Variants in CCDC12 observed in about 807,000 individuals in gnomAD.
CCDC12 encodes coiled-coil domain-containing protein 12.
CCDC12 carries 28 observed loss-of-function variants against 25.7 expected under a neutral mutation model. The observed-to-expected ratio is 1.09, with a 90% confidence interval of 0.81 to 1.50. CCDC12 has a LOEUF of 1.50. Among genes scored for constraint, CCDC12 ranks in the 40% most tolerant of loss-of-function variants. The probability of loss-of-function intolerance (pLI) is 0.00; values close to 1 mark genes in which losing one functional copy is unlikely to be tolerated. For synonymous variants in CCDC12, 75 were observed against 87.7 expected (o/e 0.86, Z 0.81); for missense variants, 198 against 210.0 (o/e 0.94, Z 0.35).
upstream of CCDC12, among the ~76,000 whole-genome samples, chr3:46,978,846 G>A (rs1474729902): frequency 6.6e-6 from 1 of 152,110 alleles, no homozygotes; most frequent in African/African-American, 2.4e-5. Flanking sequence ...AGCTGGGCCT[G>A]GTGACACGCG....
chr3:46,944,501 A>G (rs2033830475), intron 1 of CCDC12, among the ~76,000 whole-genome samples: 1 of 151,924 alleles, frequency 6.6e-6, no homozygotes, highest in African/African-American at 2.4e-5. Context: ...GAATTTAGAG[A>G]CACTTCGCTC....
At chr3:46,946,652 G>A (rs2033918416) in intron 1 of CCDC12, among the ~76,000 whole-genome samples, 2 of 152,236 alleles carry the variant, frequency 1.3e-5, no homozygotes, top group South Asian at 4.1e-4. Context: ...CGGGCACTGT[G>A]GTAGCCTACA....
chr3:46,945,959 C>T (rs922545043), intron 1 of CCDC12, among the ~76,000 whole-genome samples: 1 of 152,228 alleles, frequency 6.6e-6, no homozygotes, highest in Non-Finnish European at 1.5e-5. Context: ...AATGGCTTTG[C>T]TCCTCAGTCA....
intron 1 of CCDC12, among the ~76,000 whole-genome samples, chr3:46,945,660 G>A (rs1422268163): frequency 6.6e-6 from 1 of 152,214 alleles, no homozygotes; most frequent in Non-Finnish European, 1.5e-5. Context: ...ATCTTGGCCT[G>A]AAGTTTTATT....
intron 1 of CCDC12, among the ~76,000 whole-genome samples, chr3:46,972,773 T>A (rs199780714): frequency 3.5e-5 from 5 of 141,238 alleles, no homozygotes; most frequent in African/African-American, 8.2e-5. Flanking sequence ...CTGACTCCTT[T>A]AAAAAAAAAA....
intron 1 of CCDC12, among the ~76,000 whole-genome samples, chr3:46,956,408 G>C (rs2034288802): frequency 6.6e-6 from 1 of 152,222 alleles, no homozygotes; most frequent in Non-Finnish European, 1.5e-5. Flanking sequence ...CTCTTCAAGA[G>C]GCTGACCTAG....
At chr3:46,937,971 C>T (rs1004379152) in intron 2 of CCDC12, among the ~76,000 whole-genome samples, 5 of 152,184 alleles carry the variant, frequency 3.3e-5, no homozygotes, top group Admixed American at 6.5e-5. Flanking sequence ...AGGGAGTGAC[C>T]GAGTAGCAGG....
intron 1 of CCDC12, among the ~76,000 whole-genome samples, chr3:46,967,743 C>G (rs929651835): frequency 6.6e-6 from 1 of 152,172 alleles, no homozygotes; most frequent in African/African-American, 2.4e-5. Context: ...ACAGCTGGTA[C>G]TCAATAAATA....
At chr3:46,979,657 G>T, upstream of CCDC12, 1 of 313,666 alleles carries the variant, frequency 3.2e-6, no homozygotes, top group Non-Finnish European at 5.8e-6. Flanking sequence ...AAGCTGGGCG[G>T]CGGCCGGCAG....
intron 1 of CCDC12, among the ~76,000 whole-genome samples, chr3:46,942,778 C>G (rs1440559030): frequency 6.6e-6 from 1 of 152,136 alleles, no homozygotes; most frequent in Non-Finnish European, 1.5e-5. Flanking sequence ...AGCAGCTACA[C>G]GAGAGAGGTC....
chr3:46,951,338 A>G (rs892204490), intron 1 of CCDC12, among the ~76,000 whole-genome samples: 12 of 151,986 alleles, frequency 7.9e-5, no homozygotes, highest in Non-Finnish European at 1.3e-4. Context: ...AATAATGTAT[A>G]TTCAAAATTG....
chr3:46,980,820 C>A (rs1291515024), upstream of CCDC12, among the ~76,000 whole-genome samples: 1 of 152,186 alleles, frequency 6.6e-6, no homozygotes, highest in Non-Finnish European at 1.5e-5. Flanking sequence ...GTAACACTCC[C>A]CTCCCCTTCA....
chr3:46,929,485 CA>C (rs2033114509), intron 2 of CCDC12, among the ~76,000 whole-genome samples: 1 of 152,106 alleles, frequency 6.6e-6, no homozygotes, highest in Admixed American at 6.5e-5. Flanking sequence ...AGCAGTAGGG[CA>C]GGCCAACACC....
chr3:46,972,165 T>C (rs2034823749), intron 1 of CCDC12, among the ~76,000 whole-genome samples: 1 of 152,190 alleles, frequency 6.6e-6, no homozygotes, highest in Non-Finnish European at 1.5e-5. Flanking sequence ...TTTAAACTCT[T>C]TGCGCAGCAA....
At chr3:46,941,128 C>T in intron 1 of CCDC12, 63 bp from the exon 2 acceptor site, 2 of 1,531,286 alleles carry the variant, frequency 1.3e-6, no homozygotes, top group South Asian at 1.1e-5. Flanking sequence ...TCCACGTGGC[C>T]CAGGGAGCTA....
chr3:46,946,613 G>A (rs897783750), intron 1 of CCDC12, among the ~76,000 whole-genome samples: 6 of 152,232 alleles, frequency 3.9e-5, no homozygotes, highest in African/African-American at 1.4e-4. Flanking sequence ...TGGGAGGGCT[G>A]AGCCCAGCAT....
At position 46,925,438 on chromosome 3, in the gene CCDC12, G is replaced by A. The variant is rs537796420; in HGVS notation, c.244+18C>T. 6.2e-7 allele frequency: 1 copy of A among 1,610,050 alleles called. No individual in the cohort carries two copies. Among genetic ancestry groups the A allele is most frequent in the South Asian group, 1.1e-5 (1 of 90,880 alleles). On this transcript the variant is annotated intron_variant, in intron 3 of 6. Transcript: ENST00000683445. ...GACAGTGCCAGGAAGCAGAGGTGGAGAGGGACAGCTTGCTTACCTGCAACC... is the reference window on the plus strand; with the variant it reads ...GACAGTGCCAGGAAGCAGAGGTGGAAAGGGACAGCTTGCTTACCTGCAACC...
Position 46,934,125 on chromosome 3 carries a change from C to T in CCDC12, c.164+6873G>A, listed in dbSNP as rs550054365. The stretch of plus-strand genomic sequence containing the variant: ...AATTTTAAAACAGGAGAGGAGTAAA[C>T]GTTTATGGCAGATGAGCTAAGCCCC... On this transcript the variant is annotated intron_variant, in intron 2 of 6. Transcript: ENST00000683445. Among the ~76,000 whole-genome samples the T allele has an allele frequency of 9.8e-5, 15 of 152,296 alleles. 1 individual carries two copies. The highest frequency in any genetic ancestry group is 9.2e-4 in the Admixed American group (14 of 15,294).
intron 2 of CCDC12, 69 bp downstream of exon 2, chr3:46,940,929 A>G: frequency 6.9e-7 from 1 of 1,447,102 alleles, no homozygotes; most frequent in Non-Finnish European, 9.7e-7. Flanking sequence ...AGTTGGGAGG[A>G]CCCAGAGACT....
Sources: gnomAD v4.1 joint callset for allele counts (sites outside exome capture counted in the v4.1 genomes callset) on GRCh38, gnomAD v4.1.1 for gene constraint, MANE v1.5 for transcripts, NCBI Gene and HGNC (gene_info 2026-07-23, HGNC 2026-07-21) for gene names.